GRIN2A: variants seen among roughly 807,000 people sequenced by gnomAD.
GRIN2A encodes the protein glutamate receptor ionotropic, NMDA 2A.
In GRIN2A, 22 loss-of-function variants were observed where a neutral mutation model predicts 113.4. The observed-to-expected ratio is 0.19, with a 90% confidence interval of 0.14 to 0.28. The LOEUF (loss-of-function observed/expected upper bound fraction) is 0.28. GRIN2A is among the 10% of genes least tolerant of loss of function. The pLI is 1.00. For synonymous variants in GRIN2A, 827 were observed against 738.4 expected (o/e 1.12, Z -1.94); for missense variants, 1,502 against 1,887.0 (o/e 0.80, Z 3.78).
chr16:9,948,612 A>G (rs1473649372), intron 2 of GRIN2A, among the ~76,000 whole-genome samples: 1 of 152,178 alleles, frequency 6.6e-6, no homozygotes, highest in Admixed American at 6.5e-5. Flanking sequence ...TCCTTCAGGT[A>G]TATCACAGGT....
rs926927435 is a variant in GRIN2A, at chr16:9,756,456, G to C, written c.*6693C>G. 5 of 228,570 alleles carry C rather than the reference G, an allele frequency of 2.2e-5. No homozygotes were observed. Among genetic ancestry groups the C allele is most frequent in the Non-Finnish European group, 3.5e-5 (4 of 115,162 alleles). The allele number at this position is 228,570 out of a possible 1,614,324, so 14.2% of individuals were successfully genotyped here. On this transcript the variant is annotated 3_prime_UTR_variant, in exon 13 of 13. Transcript: ENST00000330684. ...CCTGTCACAGAGGCTGATACTCAAG[G>C]GTATATGCCCAGGAACCTCAAAAGA...
chr16:9,903,032 G>A (rs967869436), intron 3 of GRIN2A, among the ~76,000 whole-genome samples: 1 of 147,894 alleles, frequency 6.8e-6, no homozygotes, highest in East Asian at 2.0e-4. Flanking sequence ...GCAGTGGTAC[G>A]ATCTCGGCTC....
At chr16:9,961,796 C>A (rs1490789514) in intron 2 of GRIN2A, among the ~76,000 whole-genome samples, 1 of 151,648 alleles carries the variant, frequency 6.6e-6, no homozygotes, top group African/African-American at 2.4e-5. Flanking sequence ...TCATATGGAA[C>A]CAAAAAAGAG....
At chr16:9,780,468 ATGT>A (rs1901875753) in intron 11 of GRIN2A, among the ~76,000 whole-genome samples, 1 of 152,258 alleles carries the variant, frequency 6.6e-6, no homozygotes. Context: ...CAATGAATAC[ATGT>A]TGTATGATTC....
At position 9,829,641 on chromosome 16, in the gene GRIN2A, G is replaced by T; in HGVS notation, c.1789C>A (p.Pro597Thr). The T allele has an allele frequency of 1.2e-6, 2 of 1,611,140 alleles. No individual in the cohort carries two copies. The highest frequency in any genetic ancestry group is 1.7e-6 in the Non-Finnish European group (2 of 1,177,394). The change falls in exon 9 of 13, where the codon CCT becomes ACT. Residue 597 changes from proline (P) to threonine (T), a missense_variant. Around this residue, in one of 7 missense-constraint regions of GRIN2A, gnomAD observed 82 missense variants for 222.7 expected, o/e 0.37. Coordinates refer to ENST00000330684, the MANE Select transcript of GRIN2A (RefSeq NM_001134407.3). Reference protein sequence around the residue: ...NLAKGKAPHGPSFTIGKAIWL... With the variant: ...NLAKGKAPHGTSFTIGKAIWL... ...ATAGCTTTTCCAATTGTAAAAGAAG[G>T]CCCATGGGGTGCTGCAGAAGATGAA...
intron 3 of GRIN2A, among the ~76,000 whole-genome samples, chr16:9,924,096 G>A (rs1171101226): frequency 1.5e-5 from 2 of 133,114 alleles, no homozygotes; most frequent in Non-Finnish European, 3.1e-5. Flanking sequence ...GGGCAGCAGA[G>A]TGAGACTTGG....
chr16:10,103,723 A>G (rs1255037707), intron 2 of GRIN2A, among the ~76,000 whole-genome samples: 1 of 152,182 alleles, frequency 6.6e-6, no homozygotes, highest in Non-Finnish European at 1.5e-5. Context: ...ACAGAACTCT[A>G]GACTTAATTA....
At chr16:9,924,813 G>T (rs889536577) in intron 3 of GRIN2A, among the ~76,000 whole-genome samples, 1 of 152,052 alleles carries the variant, frequency 6.6e-6, no homozygotes, top group Non-Finnish European at 1.5e-5. Context: ...AATCCATCCA[G>T]TGTAGTTTTT....
rs147099945 is a variant in GRIN2A, at chr16:9,796,153, G to A, written c.2356+2124C>T. Among the ~76,000 whole-genome samples, 63 of 152,328 alleles carry A rather than the reference G, an allele frequency of 4.1e-4. 1 individual carries two copies. The highest frequency in any genetic ancestry group is 1.3e-3 in the African/African-American group (54 of 41,570). On this transcript the variant is annotated intron_variant, in intron 11 of 12. Coordinates refer to ENST00000330684, the MANE Select transcript of GRIN2A (RefSeq NM_001134407.3). Reference sequence around the variant, plus strand: ...TTAGCTGTTTTATAATAGATGCTTCGAGAGTGACACCAATGGTGGGTGGGG... The same window carrying A: ...TTAGCTGTTTTATAATAGATGCTTCAAGAGTGACACCAATGGTGGGTGGGG...
chr16:10,145,864 G>C (rs890976968), intron 2 of GRIN2A, among the ~76,000 whole-genome samples: 1 of 152,182 alleles, frequency 6.6e-6, no homozygotes, highest in Non-Finnish European at 1.5e-5. Context: ...GCAGGCCATA[G>C]TTTATAGATC....
chr16:9,882,180 G>A (rs1173240987), intron 4 of GRIN2A, among the ~76,000 whole-genome samples: 3 of 152,100 alleles, frequency 2.0e-5, no homozygotes, highest in South Asian at 2.1e-4. Context: ...GGAAAGAGAT[G>A]GCAAGGAGAG....
intron 2 of GRIN2A, among the ~76,000 whole-genome samples, chr16:9,998,222 T>C (rs886739711): frequency 2.0e-5 from 3 of 152,194 alleles, no homozygotes; most frequent in Admixed American, 6.5e-5. Flanking sequence ...CTGCGATTGA[T>C]ATTTAGTCCA....
chr16:10,068,140 G>A (rs539158597), intron 2 of GRIN2A, among the ~76,000 whole-genome samples: 22 of 152,300 alleles, frequency 1.4e-4, no homozygotes, highest in South Asian at 6.2e-4. Flanking sequence ...TTCCCAAAGC[G>A]TATTTATTTA....
At chr16:9,795,297 C>T (rs1164321643) in intron 11 of GRIN2A, among the ~76,000 whole-genome samples, 2 of 152,144 alleles carry the variant, frequency 1.3e-5, no homozygotes, top group Non-Finnish European at 2.9e-5. Context: ...TGAGAGGGAT[C>T]TCTGGTCGTC....
chr16:10,015,857 A>G (rs935053172), intron 2 of GRIN2A, among the ~76,000 whole-genome samples: 12 of 152,150 alleles, frequency 7.9e-5, no homozygotes, highest in African/African-American at 2.7e-4. Flanking sequence ...GTAGCTGGGC[A>G]TAGTGGCTCA....
intron 3 of GRIN2A, among the ~76,000 whole-genome samples, chr16:9,915,663 G>A (rs1038871822): frequency 1.3e-5 from 2 of 152,206 alleles, no homozygotes; most frequent in African/African-American, 2.4e-5. Flanking sequence ...AATATTAGAA[G>A]TACACCATCA....
chr16:9,891,040 C>A lies in GRIN2A; in HGVS notation c.1068G>T (p.Gln356His), dbSNP rs1299048782. 1 of 1,613,570 alleles carries A rather than the reference C, an allele frequency of 6.2e-7. No individual in the cohort carries two copies. Among genetic ancestry groups the A allele is most frequent in the Non-Finnish European group, 8.5e-7 (1 of 1,179,610 alleles). ...CAATCACCACCAGCCTGGGGTGCAC[C>A]TGGTAGCCTTCCTCAGTGAAGGATA... ...KDLSFTEEGY[Q>H]VHPRLVVIVL... is the part of the protein sequence containing the mutation. Residue 356 changes from glutamine (Q) to histidine (H), a missense_variant, in exon 4 of 13, where the codon CAG becomes CAT. Around this residue, in one of 7 missense-constraint regions of GRIN2A, gnomAD observed 334 missense variants for 403.0 expected, o/e 0.83. Coordinates refer to ENST00000330684, the MANE Select transcript of GRIN2A (RefSeq NM_001134407.3).
intron 4 of GRIN2A, among the ~76,000 whole-genome samples, chr16:9,861,653 A>C (rs1351942353): frequency 1.3e-5 from 2 of 152,218 alleles, no homozygotes; most frequent in Non-Finnish European, 1.5e-5. Context: ...GATGTTTTTT[A>C]AACCAATACC....
At chr16:9,852,547 C>G (rs902160771) in intron 4 of GRIN2A, among the ~76,000 whole-genome samples, 5 of 152,142 alleles carry the variant, frequency 3.3e-5, no homozygotes, top group African/African-American at 1.2e-4. Context: ...ACTCCCTGTT[C>G]CTGACACATC....
Sources: gnomAD v4.1 joint callset for allele counts (sites outside exome capture counted in the v4.1 genomes callset) on GRCh38, gnomAD v4.1.1 for gene constraint, gnomAD v4.1.1 regional missense constraint, MANE v1.5 for transcripts, NCBI Gene and HGNC (gene_info 2026-07-23, HGNC 2026-07-21) for gene names.